PLEKHA1: variants seen among roughly 807,000 people sequenced by gnomAD.
PLEKHA1 encodes pleckstrin homology domain containing A1.
PLEKHA1 carries 34 observed loss-of-function variants against 52.0 expected under a neutral mutation model. The ratio of observed to expected loss-of-function variants is 0.65; its 90% confidence interval spans 0.50 to 0.87. The LOEUF (loss-of-function observed/expected upper bound fraction) is 0.87. Ranked by LOEUF, PLEKHA1 falls within the 40% of genes least tolerant of loss-of-function variation. The probability of loss-of-function intolerance (pLI) is 0.00; values close to 1 mark genes in which losing one functional copy is unlikely to be tolerated. For synonymous variants in PLEKHA1, 163 were observed against 170.7 expected (o/e 0.95, Z 0.35); for missense variants, 497 against 504.2 (o/e 0.99, Z 0.14).
chr10:122,421,035 A>G (rs1366185551), intron 8 of PLEKHA1: 4 of 152,246 alleles, frequency 2.6e-5, no homozygotes, highest in South Asian at 4.1e-4. Flanking sequence ...ATGATGAGGA[A>G]TGAAATATTT....
At chr10:122,384,031 A>G (rs1442746485) in intron 1 of PLEKHA1, among the ~76,000 whole-genome samples, 2 of 151,888 alleles carry the variant, frequency 1.3e-5, no homozygotes, top group Non-Finnish European at 2.9e-5. Context: ...TTGGGATGTC[A>G]TTGGCAATGG....
chr10:122,441,306 C>T, the PLEKHA1 span: 1 of 152,048 alleles, frequency 6.6e-6, no homozygotes, highest in Non-Finnish European at 1.5e-5. Flanking sequence ...ATCGTCTCTA[C>T]TAAAATTCAA....
rs538159520 is a variant in PLEKHA1, at chr10:122,416,595, G to T, written c.612+593G>T. 8.9e-4 allele frequency among the ~76,000 whole-genome samples: 135 copies of T among 152,292 alleles called. 1 individual carries two copies. The Middle Eastern group carries it at 0.01, about 12-fold the overall frequency. ...CAGCACCTGGTACTTAGTAAAAGCT[G>T]TTATGGGTTAGCCCAGGTATTCCCA... On this transcript the variant is annotated intron_variant, in intron 7 of 11. Coordinates refer to ENST00000368990, the MANE Select transcript of PLEKHA1 (RefSeq NM_001001974.4).
intron 3 of PLEKHA1, 127 bp downstream of exon 3, chr10:122,398,101 T>G (rs1254416207): frequency 1.5e-6 from 1 of 668,058 alleles, no homozygotes; most frequent in African/African-American, 1.8e-5. Context: ...CATACTGAAA[T>G]GGTACCTGAT....
At chr10:122,375,027 C>G (rs1344366193) in intron 1 of PLEKHA1, 2 of 152,048 alleles carry the variant, frequency 1.3e-5, no homozygotes, top group Admixed American at 1.3e-4. Context: ...CTGGAGGCCG[C>G]CGGGCCGGCT....
chr10:122,399,210 G>A (rs763689835), intron 3 of PLEKHA1, among the ~76,000 whole-genome samples: 3 of 152,136 alleles, frequency 2.0e-5, no homozygotes, highest in Non-Finnish European at 4.4e-5. Flanking sequence ...ACTTTTGTGT[G>A]ACTCAGAACT....
At chr10:122,382,001 G>GAAAGAGATCCACAGACC (rs1365802807) in intron 1 of PLEKHA1, among the ~76,000 whole-genome samples, 1 of 152,094 alleles carries the variant, frequency 6.6e-6, no homozygotes, top group East Asian at 1.9e-4. Context: ...GTATATATAG[G>GAAAGAGATCCACAGACC]AAAGAGATCC....
At chr10:122,399,215 A>G (rs1284681043) in intron 3 of PLEKHA1, among the ~76,000 whole-genome samples, 1 of 152,190 alleles carries the variant, frequency 6.6e-6, no homozygotes, top group Non-Finnish European at 1.5e-5. Flanking sequence ...TGTGTGACTC[A>G]GAACTGTGAG....
At position 122,430,014 on chromosome 10, in the gene PLEKHA1, A is replaced by C; in HGVS notation, c.*76A>C. On this transcript the variant is annotated 3_prime_UTR_variant, in exon 12 of 12. Coordinates refer to ENST00000368990, the MANE Select transcript of PLEKHA1 (RefSeq NM_001001974.4). ...ATGAGGCTTCTAGCCAAAGATGATA[A>C]AGGGGGAAATGGTTTTTAGTGCGTA... The C allele has an allele frequency of 1.4e-6, 2 of 1,481,148 alleles. No homozygotes were observed. Among genetic ancestry groups the C allele is most frequent in the South Asian group, 2.7e-5 (2 of 73,920 alleles). The allele number at this position is 1,481,148 out of a possible 1,614,324, so 91.8% of individuals were successfully genotyped here.
intron 6 of PLEKHA1, among the ~76,000 whole-genome samples, chr10:122,413,382 A>C (rs867097754): frequency 1.3e-5 from 2 of 152,032 alleles, no homozygotes; most frequent in African/African-American, 4.8e-5. Context: ...TAATGAGTGC[A>C]TAGTAGTTCT....
chr10:122,391,768 A>G (rs2096779264), intron 1 of PLEKHA1, among the ~76,000 whole-genome samples: 1 of 151,800 alleles, frequency 6.6e-6, no homozygotes, highest in African/African-American at 2.4e-5. Context: ...TGGTAAATTT[A>G]TTAAAGAAAT....
chr10:122,403,912 G>C (rs192329896), intron 4 of PLEKHA1, among the ~76,000 whole-genome samples: 158 of 152,170 alleles, frequency 1.0e-3, no homozygotes, highest in African/African-American at 3.8e-3. Flanking sequence ...GGCTTGTCTC[G>C]AACCCCTGAC....
chr10:122,377,215 G>GTGTA (rs1288167641), intron 1 of PLEKHA1, among the ~76,000 whole-genome samples: 2 of 152,258 alleles, frequency 1.3e-5, no homozygotes, highest in East Asian at 1.9e-4. Flanking sequence ...TCTGAATATA[G>GTGTA]TGTAGTAATT....
intron 1 of PLEKHA1, among the ~76,000 whole-genome samples, chr10:122,389,475 G>A (rs764361527): frequency 3.3e-5 from 5 of 152,182 alleles, no homozygotes; most frequent in African/African-American, 4.8e-5. Flanking sequence ...CAAGGCAAGC[G>A]GATCACCTGA....
chr10:122,381,201 CAAT>C (rs1280913410), intron 1 of PLEKHA1, among the ~76,000 whole-genome samples: 1 of 152,002 alleles, frequency 6.6e-6, no homozygotes, highest in African/African-American at 2.4e-5. Context: ...AGGCCCTTGG[CAAT>C]AATCCAGGTG....
chr10:122,400,246 A>G, intron 3 of PLEKHA1, 97 bp from the exon 4 acceptor site: 9 of 891,832 alleles, frequency 1.0e-5, no homozygotes, highest in Non-Finnish European at 6.6e-6. Context: ...GTGTATGATT[A>G]TTGGGGAATC....
At chr10:122,407,500 C>T (rs1291668019) in intron 5 of PLEKHA1, among the ~76,000 whole-genome samples, 2 of 152,226 alleles carry the variant, frequency 1.3e-5, no homozygotes, top group Non-Finnish European at 2.9e-5. Flanking sequence ...CTCTGGAGCC[C>T]GAACTCTGAA....
intron 1 of PLEKHA1, among the ~76,000 whole-genome samples, chr10:122,378,689 C>T (rs1331165315): frequency 6.7e-6 from 1 of 149,972 alleles, no homozygotes; most frequent in Non-Finnish European, 1.5e-5. Context: ...TGAACAGAGA[C>T]TGTGCTGTGG....
In PLEKHA1 at chr10:122,406,601, C is replaced by T; in HGVS notation, c.270C>T (p.Tyr90=). Residue 90 remains tyrosine, a synonymous_variant, in exon 5 of 12, where the codon TAC becomes TAT. Transcript: ENST00000368990. ...TTATGAATGCAGGAATGAGGAAGTA[C>T]TTCCTACAAGCCAATGATCAGCAGG... ...CFVMNAGMRK[Y]FLQANDQQDL... The T allele has an allele frequency of 5.6e-6, 9 of 1,612,714 alleles. No individual in the cohort carries two copies. Among genetic ancestry groups the T allele is most frequent in the Middle Eastern group, 3.3e-4 (2 of 6,056 alleles).
Sources: allele counts gnomAD v4.1 joint callset (sites outside exome capture counted in the v4.1 genomes callset), GRCh38; gene constraint gnomAD v4.1.1; transcripts MANE v1.5; gene names NCBI Gene and HGNC (gene_info 2026-07-23, HGNC 2026-07-21).